The following QTGAL variants were observed in gnomAD, a reference collection of about 807,000 sequenced individuals.
QTGAL encodes BGnT-like protein 1.
the QTGAL span, among the ~76,000 whole-genome samples, chr17:83,043,150 G>A: frequency 1.3e-5 from 2 of 152,108 alleles, no homozygotes; most frequent in African/African-American, 2.4e-5. Flanking sequence ...CAGAGAACTT[G>A]AACAATACTA....
chr17:82,998,368 C>T, the QTGAL span, among the ~76,000 whole-genome samples: 45,490 of 151,862 alleles, frequency 0.3, 7,462 homozygotes, highest in East Asian at 0.39. Context: ...TGTTTTGAGA[C>T]GGAGTTTCAC....
At chr17:83,044,955 AAAAG>A in the QTGAL span, among the ~76,000 whole-genome samples, 3 of 152,136 alleles carry the variant, frequency 2.0e-5, no homozygotes, top group Non-Finnish European at 2.9e-5. Flanking sequence ...CAAAAAAAAA[AAAAG>A]AAAGAATCTA....
At chr17:82,963,036 C>T in the QTGAL span, among the ~76,000 whole-genome samples, 3 of 152,134 alleles carry the variant, frequency 2.0e-5, no homozygotes, top group African/African-American at 4.8e-5. Context: ...CCTGGCGGGG[C>T]GCAGGGAGAG....
the QTGAL span, among the ~76,000 whole-genome samples, chr17:82,964,476 C>A: frequency 6.6e-6 from 1 of 152,126 alleles, no homozygotes; most frequent in Non-Finnish European, 1.5e-5. Flanking sequence ...ATAGACATAG[C>A]TAGTATTTAA....
the QTGAL span, chr17:82,965,722 C>T: frequency 4.3e-6 from 7 of 1,612,590 alleles, no homozygotes; most frequent in African/African-American, 8.0e-5. Context: ...GGCATGATCA[C>T]CGTGGGGCCA....
chr17:83,050,804 CGGA>C, the QTGAL span, among the ~76,000 whole-genome samples: 42,590 of 151,568 alleles, frequency 0.28, 5,904 homozygotes, highest in East Asian at 0.39. Context: ...TGTGTGGGCA[CGGA>C]GGAGGTGTGC....
At chr17:82,965,628 T>G in the QTGAL span, 18 of 1,577,236 alleles carry the variant, frequency 1.1e-5, no homozygotes, top group Non-Finnish European at 1.5e-5. Flanking sequence ...GGGAGGGACC[T>G]GATTCCCGCC....
the QTGAL span, chr17:83,048,427 G>C: frequency 6.6e-7 from 1 of 1,519,684 alleles, no homozygotes; most frequent in Non-Finnish European, 9.1e-7. Flanking sequence ...AAGTTGATAA[G>C]AAACCACGAA....
At chr17:83,027,109 C>T in the QTGAL span, among the ~76,000 whole-genome samples, 3 of 142,676 alleles carry the variant, frequency 2.1e-5, no homozygotes, top group East Asian at 2.2e-4. Context: ...CAGAGCAGGG[C>T]GGGGAGCCTG....
chr17:83,037,053 C>T, the QTGAL span, among the ~76,000 whole-genome samples: 1 of 152,168 alleles, frequency 6.6e-6, no homozygotes, highest in Non-Finnish European at 1.5e-5. The surrounding 1 kb of genome is among the most constrained non-coding windows in gnomAD (Gnocchi z 5.2). Flanking sequence ...CGGACAGTTA[C>T]AGACATCATG....
chr17:83,029,089 C>A, the QTGAL span, among the ~76,000 whole-genome samples: 263 of 152,324 alleles, frequency 1.7e-3, 1 homozygote, highest in Middle Eastern at 0.01. Context: ...CGGGAGCATG[C>A]AGGCCGTTCC....
chr17:82,979,580 C>CT, the QTGAL span, among the ~76,000 whole-genome samples: 1 of 152,086 alleles, frequency 6.6e-6, no homozygotes, highest in Non-Finnish European at 1.5e-5. Context: ...GACTTGTACA[C>CT]TAAAAACTAC....
At chr17:82,994,940 T>A in the QTGAL span, among the ~76,000 whole-genome samples, 1 of 152,190 alleles carries the variant, frequency 6.6e-6, no homozygotes, top group Non-Finnish European at 1.5e-5. Context: ...ACAAAAACCA[T>A]ATGATCAATT....
the QTGAL span, chr17:83,014,481 G>A: frequency 7.4e-6 from 12 of 1,614,102 alleles, no homozygotes; most frequent in African/African-American, 5.3e-5. Context: ...CGGCAGCCTC[G>A]TGTTGCAGCC....
At chr17:82,957,533 CCACAGATGCA>C in the QTGAL span, 22 of 1,568,664 alleles carry the variant, frequency 1.4e-5, no homozygotes, top group Admixed American at 1.3e-4. Context: ...GCCGGAGGCC[CCACAGATGCA>C]CACAGATGCT....
At chr17:82,964,416 T>A in the QTGAL span, among the ~76,000 whole-genome samples, 12 of 152,094 alleles carry the variant, frequency 7.9e-5, no homozygotes, top group African/African-American at 1.2e-4. Flanking sequence ...TTAGAAAGAC[T>A]AAGAAAATCT....
chr17:83,011,174 C>T, the QTGAL span, among the ~76,000 whole-genome samples: 2 of 152,216 alleles, frequency 1.3e-5, no homozygotes, highest in Non-Finnish European at 2.9e-5. Flanking sequence ...TGTCAGGAAT[C>T]CAAGGGTCAG....
At chr17:82,962,524 CGCGG>C in the QTGAL span, among the ~76,000 whole-genome samples, 1 of 132,630 alleles carries the variant, frequency 7.5e-6, no homozygotes, top group Non-Finnish European at 1.6e-5. Context: ...TGGAGGCTCC[CGCGG>C]GTGCTGGTGG....
At chr17:82,980,927 C>G in the QTGAL span, among the ~76,000 whole-genome samples, 1 of 152,166 alleles carries the variant, frequency 6.6e-6, no homozygotes, top group Admixed American at 6.5e-5. Flanking sequence ...CCCTGGCAAC[C>G]AGCCCCCCTC....
Sources: allele counts gnomAD v4.1 joint callset (sites outside exome capture counted in the v4.1 genomes callset), GRCh38; gene constraint gnomAD v4.1.1; non-coding constraint Gnocchi (gnomAD v3.1); transcripts MANE v1.5; gene names NCBI Gene and HGNC (gene_info 2026-07-23, HGNC 2026-07-21).